The following MGMT variants were observed in gnomAD, a reference collection of about 807,000 sequenced individuals.
MGMT encodes the protein O-6-methylguanine-DNA methyltransferase.
In MGMT, 14 loss-of-function variants were observed where a neutral mutation model predicts 15.9. That is an observed-to-expected ratio of 0.88 (90% CI 0.58 to 1.37). The LOEUF (loss-of-function observed/expected upper bound fraction) is 1.37, where lower values mean the gene tolerates loss of function less well. Among genes scored for constraint, MGMT ranks in the 40% most tolerant of loss-of-function variants. MGMT has a pLI of 0.00. For synonymous variants in MGMT, 130 were observed against 118.2 expected, an observed-to-expected ratio of 1.10 and a Z score of -0.65; for missense variants, 282 against 268.1, an observed-to-expected ratio of 1.05 and a Z score of -0.36.
intron 2 of MGMT, among the ~76,000 whole-genome samples, chr10:129,600,913 C>A (rs536888102): frequency 6.6e-6 from 1 of 152,204 alleles, no homozygotes; most frequent in East Asian, 1.9e-4. Context: ...TTGGATATTT[C>A]AAAATACTCC....
chr10:129,483,273 T>C (rs1485516768), intron 1 of MGMT, among the ~76,000 whole-genome samples: 2 of 152,242 alleles, frequency 1.3e-5, no homozygotes, highest in Admixed American at 6.5e-5. Context: ...TTACTATTTT[T>C]ATGTTGGGCA....
intron 2 of MGMT, among the ~76,000 whole-genome samples, chr10:129,635,269 A>G (rs1847252396): frequency 6.6e-6 from 1 of 152,168 alleles, no homozygotes; most frequent in Non-Finnish European, 1.5e-5. Context: ...TGCAGATCTC[A>G]GGATTCCTCT....
At chr10:129,531,110 C>A (rs1845926383) in intron 1 of MGMT, among the ~76,000 whole-genome samples, 1 of 152,360 alleles carries the variant, frequency 6.6e-6, no homozygotes, top group South Asian at 2.1e-4. Flanking sequence ...AGCGTCCCTC[C>A]TGGGGCTGTG....
Position 129,527,132 on chromosome 10 carries a change from G to A in MGMT, c.-12-9109G>A, listed in dbSNP as rs149082158. ...CATTAGGAAGCCCGACTGTTGAATCGCCTGGGCGTCCTAAATGTGGGCTGT... is the reference window on the plus strand; with the variant it reads ...CATTAGGAAGCCCGACTGTTGAATCACCTGGGCGTCCTAAATGTGGGCTGT... On this transcript the variant is annotated intron_variant, in intron 1 of 4. Transcript: ENST00000651593. Among the ~76,000 whole-genome samples, 245 of 152,296 alleles carry A rather than the reference G, an allele frequency of 1.6e-3. 2 individuals are homozygous for A. Among genetic ancestry groups the A allele is most frequent in the Non-Finnish European group, 2.9e-3 (200 of 68,024 alleles).
intron 2 of MGMT, among the ~76,000 whole-genome samples, chr10:129,656,927 C>G (rs961541102): frequency 6.6e-6 from 1 of 151,978 alleles, no homozygotes; most frequent in Non-Finnish European, 1.5e-5. Flanking sequence ...CGTCTCAGAC[C>G]CAACTCTCGG....
At chr10:129,744,679 G>A (rs1227320851) in intron 3 of MGMT, among the ~76,000 whole-genome samples, 1 of 152,184 alleles carries the variant, frequency 6.6e-6, no homozygotes. Flanking sequence ...GGGGCTGCAG[G>A]CACCTCCTCC....
intron 2 of MGMT, among the ~76,000 whole-genome samples, chr10:129,549,250 C>A (rs1438441721): frequency 6.6e-6 from 1 of 152,168 alleles, no homozygotes; most frequent in African/African-American, 2.4e-5. Context: ...CTCCTGGAAT[C>A]TCATATTAAA....
Position 129,766,984 on chromosome 10 carries a change from C to T in MGMT, c.611C>T (p.Ala204Val). 6.2e-7 allele frequency: 1 copy of T among 1,600,066 alleles called. No individual in the cohort carries two copies. The highest frequency in any genetic ancestry group is 1.1e-5 in the South Asian group (1 of 88,892). The change falls in exon 5 of 5, where the codon GCT becomes GTT. Residue 204 changes from alanine (A) to valine (V), a missense_variant. Ala to Val is a moderately conservative substitution (Grantham distance 64). Coordinates refer to ENST00000651593, the MANE Select transcript of MGMT (RefSeq NM_002412.5). ...GGAGCTACCTCGGGCTCCCCGCCTG[C>T]TGGCCGAAACTGAGTATGTGCAGTA... is the stretch of plus-strand genomic sequence containing the variant. ...GAGATSGSPPAGRN is the reference protein window; with the variant it reads ...GAGATSGSPPVGRN
At chr10:129,636,423 A>G (rs1171194510) in intron 2 of MGMT, among the ~76,000 whole-genome samples, 2 of 152,244 alleles carry the variant, frequency 1.3e-5, no homozygotes, top group African/African-American at 4.8e-5. Context: ...GGTCTTTGCA[A>G]TGATGCTTAT....
intron 2 of MGMT, among the ~76,000 whole-genome samples, chr10:129,577,886 A>G (rs1846504763): frequency 6.6e-6 from 1 of 152,222 alleles, no homozygotes; most frequent in Non-Finnish European, 1.5e-5. Flanking sequence ...ATGAACAGAC[A>G]CTTCTCAAAA....
intron 2 of MGMT, among the ~76,000 whole-genome samples, chr10:129,576,859 T>C (rs1444584602): frequency 6.6e-6 from 1 of 152,178 alleles, no homozygotes; most frequent in Non-Finnish European, 1.5e-5. Flanking sequence ...AAAATCAATG[T>C]GCAAAAATCA....
intron 2 of MGMT, among the ~76,000 whole-genome samples, chr10:129,657,644 T>TTG (rs1847539615): frequency 8.2e-6 from 1 of 121,312 alleles, no homozygotes; most frequent in African/African-American, 3.1e-5. Context: ...GAGCTGGAGC[T>TTG]GGGGGGGGGA....
chr10:129,548,371 G>A lies in MGMT; in HGVS notation c.125+11994G>A, dbSNP rs1464960069. On this transcript the variant is annotated intron_variant, in intron 2 of 4. Coordinates refer to ENST00000651593, the MANE Select transcript of MGMT (RefSeq NM_002412.5). ...AATTATTACAGATACCCCAAAAGTA[G>A]CCTCCTCCAAATAGTGGTTTTTCTT... Among the ~76,000 whole-genome samples the A allele has an allele frequency of 2.0e-5, 3 of 152,276 alleles. No individual in the cohort carries two copies. The East Asian group carries it at 5.8e-4, about 29-fold the overall frequency.
At chr10:129,741,454 G>T (rs1160657518) in intron 3 of MGMT, among the ~76,000 whole-genome samples, 1 of 152,230 alleles carries the variant, frequency 6.6e-6, no homozygotes, top group East Asian at 1.9e-4. Flanking sequence ...CCCTGCATGG[G>T]AAAGGAGGCT....
chr10:129,492,042 G>A (rs1589833961), intron 1 of MGMT, among the ~76,000 whole-genome samples: 1 of 152,136 alleles, frequency 6.6e-6, no homozygotes, highest in Middle Eastern at 3.4e-3. Context: ...TGTGCATAAA[G>A]GACTGTAAAA....
chr10:129,527,277 A>G (rs967248667), intron 1 of MGMT, among the ~76,000 whole-genome samples: 1 of 151,906 alleles, frequency 6.6e-6, no homozygotes, highest in Non-Finnish European at 1.5e-5. Context: ...TTATGTGCAC[A>G]TGCCCTGTTA....
At position 129,659,096 on chromosome 10, in the gene MGMT, C is replaced by G. The variant is rs988546601; in HGVS notation, c.126-48799C>G. Among the ~76,000 whole-genome samples the G allele has an allele frequency of 6.6e-6, 1 of 152,150 alleles. No homozygotes were observed. The highest frequency in any genetic ancestry group is 2.4e-5 in the African/African-American group (1 of 41,424). ...TCAAGGCCGGGTGCAGTGGCTCACA[C>G]CTGTAATCCCAACACTTTGGGAGGC... On this transcript the variant is annotated intron_variant, in intron 2 of 4. Coordinates refer to ENST00000651593, the MANE Select transcript of MGMT (RefSeq NM_002412.5). The surrounding 1 kb of genome is among the most constrained non-coding windows in gnomAD (Gnocchi z 4.1).
At chr10:129,609,007 G>A (rs546704577) in intron 2 of MGMT, among the ~76,000 whole-genome samples, 16 of 152,348 alleles carry the variant, frequency 1.1e-4, no homozygotes, top group Middle Eastern at 3.4e-3. Flanking sequence ...GTCACCTGCC[G>A]GCGGTGGCAT....
chr10:129,672,570 G>C (rs1847736752), intron 2 of MGMT, among the ~76,000 whole-genome samples: 1 of 152,052 alleles, frequency 6.6e-6, no homozygotes, highest in Non-Finnish European at 1.5e-5. Flanking sequence ...GATTTCTTCT[G>C]ATCGCTCTAA....
Sources: gnomAD v4.1 joint callset for allele counts (sites outside exome capture counted in the v4.1 genomes callset) on GRCh38, gnomAD v4.1.1 for gene constraint, Gnocchi (gnomAD v3.1) non-coding constraint, MANE v1.5 for transcripts, NCBI Gene and HGNC (gene_info 2026-07-23, HGNC 2026-07-21) for gene names.